The following KCNK13 variants were observed in gnomAD, a reference collection of about 807,000 sequenced individuals.
The protein encoded by KCNK13 is potassium two pore domain channel subfamily K member 13.
A neutral mutation model predicts 23.4 loss-of-function variants in KCNK13; 12 were observed. The observed-to-expected ratio is 0.51, with a 90% CI of 0.33 to 0.83. The LOEUF (loss-of-function observed/expected upper bound fraction) is 0.83. Ranked by LOEUF, KCNK13 falls within the 40% of genes least tolerant of loss-of-function variation. The pLI is 0.02. For missense variants in KCNK13, 463 were observed against 556.3 expected (o/e 0.83, Z 1.69); for synonymous variants, 231 against 229.5 (o/e 1.01, Z -0.06).
intron 1 of KCNK13, among the ~76,000 whole-genome samples, chr14:90,146,659 C>T (rs975399850): frequency 6.6e-6 from 1 of 151,930 alleles, no homozygotes; most frequent in Non-Finnish European, 1.5e-5. Flanking sequence ...CCCTTTGTGT[C>T]TTTATACTTA....
intron 1 of KCNK13, among the ~76,000 whole-genome samples, chr14:90,065,397 G>C (rs1596761938): frequency 6.6e-6 from 1 of 152,208 alleles, no homozygotes; most frequent in East Asian, 1.9e-4. Context: ...GTCTTAGTTT[G>C]GGTTCCCTTA....
chr14:90,087,152 ATATT>A (rs201935654), intron 1 of KCNK13, among the ~76,000 whole-genome samples: 1,574 of 93,490 alleles, frequency 0.017, 34 homozygotes, highest in East Asian at 0.14. Context: ...ATATATATAT[ATATT>A]TTTTTTTTTT....
At chr14:90,064,071 A>G (rs1358244123) in intron 1 of KCNK13, among the ~76,000 whole-genome samples, 1 of 152,112 alleles carries the variant, frequency 6.6e-6, no homozygotes, top group Non-Finnish European at 1.5e-5. Context: ...AGCCCACACT[A>G]TCTGCTGGAC....
chr14:90,171,223 C>T (rs1055322579), intron 1 of KCNK13, among the ~76,000 whole-genome samples: 4 of 152,174 alleles, frequency 2.6e-5, no homozygotes, highest in African/African-American at 4.8e-5. Flanking sequence ...TGCTAAGCAA[C>T]AGATTTATTC....
intron 1 of KCNK13, among the ~76,000 whole-genome samples, chr14:90,071,658 G>C (rs992856831): frequency 6.6e-6 from 1 of 152,150 alleles, no homozygotes; most frequent in Non-Finnish European, 1.5e-5. Flanking sequence ...GAGAGAATTG[G>C]GAGGCCAAGG....
rs139591008 is a variant in KCNK13 at position 90,174,033 on chromosome 14, G to A, written c.335-10078G>A. Among the ~76,000 whole-genome samples the A allele has an allele frequency of 1.2e-3, 188 of 152,264 alleles. 11 individuals carry two copies. Among genetic ancestry groups the A allele is most frequent in the Middle Eastern group, 3.4e-3 (1 of 294 alleles). On this transcript the variant is annotated intron_variant, in intron 1 of 1. Transcript: ENST00000282146. Reference sequence around the variant, plus strand: ...TAAAACTGTCAGATCTCGGCCAGGCGCAGTGGCTCATGCCTGTAATCCCAG... The same window carrying A: ...TAAAACTGTCAGATCTCGGCCAGGCACAGTGGCTCATGCCTGTAATCCCAG...
At chr14:90,088,494 C>T (rs567419543) in intron 1 of KCNK13, among the ~76,000 whole-genome samples, 1 of 152,282 alleles carries the variant, frequency 6.6e-6, no homozygotes, top group Non-Finnish European at 1.5e-5. Context: ...GGCGCCTTTC[C>T]CAGCCAGCTC....
chr14:90,084,053 T>C (rs72629395), intron 1 of KCNK13, among the ~76,000 whole-genome samples: 20,711 of 152,210 alleles, frequency 0.14, 1,699 homozygotes, highest in South Asian at 0.26. Context: ...CTTATTCTAG[T>C]GTCTTGATTA....
intron 1 of KCNK13, among the ~76,000 whole-genome samples, chr14:90,170,740 A>G (rs1224147601): frequency 6.6e-6 from 1 of 152,140 alleles, no homozygotes; most frequent in Non-Finnish European, 1.5e-5. Flanking sequence ...GACGTAAACA[A>G]ATGGGGCAGA....
At chr14:90,092,958 C>T (rs111923819) in intron 1 of KCNK13, among the ~76,000 whole-genome samples, 1,899 of 147,054 alleles carry the variant, frequency 0.013, 49 homozygotes, top group African/African-American at 0.045. Flanking sequence ...CAGAAACAGG[C>T]GAGGGAGACT....
chr14:90,121,330 G>T (rs1174745279), intron 1 of KCNK13, among the ~76,000 whole-genome samples: 4 of 152,222 alleles, frequency 2.6e-5, no homozygotes, highest in African/African-American at 9.6e-5. Flanking sequence ...GCACTTGGCA[G>T]CCTCTGTCCT....
At chr14:90,135,275 G>C (rs1889922141) in intron 1 of KCNK13, among the ~76,000 whole-genome samples, 1 of 152,192 alleles carries the variant, frequency 6.6e-6, no homozygotes, top group African/African-American at 2.4e-5. Context: ...AAAGGAAAGA[G>C]GGGAAGTGTG....
At chr14:90,074,224 T>A (rs1014779476) in intron 1 of KCNK13, among the ~76,000 whole-genome samples, 1 of 152,306 alleles carries the variant, frequency 6.6e-6, no homozygotes, top group South Asian at 2.1e-4. Context: ...CGCCTTGGCC[T>A]CCCAAGGTGC....
chr14:90,087,536 C>T (rs1255754930), intron 1 of KCNK13, among the ~76,000 whole-genome samples: 2 of 152,116 alleles, frequency 1.3e-5, no homozygotes, highest in Non-Finnish European at 2.9e-5. Context: ...GGGAACCTGC[C>T]ACTGCCTCCA....
chr14:90,063,915 C>T (rs1207900959), intron 1 of KCNK13, among the ~76,000 whole-genome samples: 1 of 152,196 alleles, frequency 6.6e-6, no homozygotes, highest in Non-Finnish European at 1.5e-5. Flanking sequence ...TGGCTCCCAG[C>T]CCCCATCCCA....
intron 1 of KCNK13, among the ~76,000 whole-genome samples, chr14:90,123,640 T>C (rs766515991): frequency 1.3e-5 from 2 of 152,082 alleles, no homozygotes; most frequent in Non-Finnish European, 2.9e-5. Context: ...GTAGTAGTAG[T>C]AGTATTTTTG....
intron 1 of KCNK13, among the ~76,000 whole-genome samples, chr14:90,070,111 A>G (rs1889056237): frequency 6.6e-6 from 1 of 152,238 alleles, no homozygotes; most frequent in Non-Finnish European, 1.5e-5. Flanking sequence ...TCATTATTTT[A>G]TGTACCATCA....
At position 90,062,122 on chromosome 14, in the gene KCNK13, G is replaced by T. The variant is rs1184767438; in HGVS notation, c.-84G>T. On this transcript the variant is annotated 5_prime_UTR_variant, in exon 1 of 2. Transcript: ENST00000282146. This position sits in a 1 kb window ranked among gnomAD's most constrained non-coding sequence, Gnocchi z 4.5. ...GCGCCCGGGAGCTGGCTGAGCGCCG[G>T]GGCCCTTATTTCCCGGGGGTGTGGG... is the stretch of plus-strand genomic sequence containing the variant. 1 of 912,928 alleles carries T rather than the reference G, an allele frequency of 1.1e-6. No individual in the cohort carries two copies. Among genetic ancestry groups the T allele is most frequent in the African/African-American group, 1.7e-5 (1 of 57,460 alleles). 56.6% of individuals were successfully genotyped at this position (912,928 alleles called of 1,614,324 possible). A position where few individuals can be genotyped will look rare whatever the true frequency, so the allele number is the denominator to read the frequency against.
intron 1 of KCNK13, 124 bp from the exon 2 acceptor site, chr14:90,183,987 A>G (rs1305897102): frequency 3.6e-6 from 3 of 843,496 alleles, no homozygotes; most frequent in Non-Finnish European, 5.6e-6. Flanking sequence ...ATTCCTAGAA[A>G]GACTAAGGCT....
Sources: gnomAD v4.1 joint callset for allele counts (sites outside exome capture counted in the v4.1 genomes callset) on GRCh38, gnomAD v4.1.1 for gene constraint, Gnocchi (gnomAD v3.1) non-coding constraint, MANE v1.5 for transcripts, NCBI Gene and HGNC (gene_info 2026-07-23, HGNC 2026-07-21) for gene names.